Variants in GRIN2B observed in about 807,000 individuals in gnomAD.
The protein encoded by GRIN2B is glutamate ionotropic receptor NMDA type subunit 2B.
GRIN2B carries 5 observed loss-of-function variants against 114.5 expected under a neutral mutation model. The ratio of observed to expected loss-of-function variants is 0.04; its 90% CI spans 0.02 to 0.09. GRIN2B has a LOEUF of 0.09. Ranked by LOEUF, GRIN2B falls within the 10% of genes least tolerant of loss-of-function variation. The probability of loss-of-function intolerance (pLI) is 1.00; values close to 1 mark genes in which losing one functional copy is unlikely to be tolerated. For missense variants in GRIN2B, 1,108 were observed against 1,943.5 expected (o/e 0.57, Z 8.08); for synonymous variants, 787 against 745.1 (o/e 1.06, Z -0.92).
chr12:13,589,385 G>A (rs907614755), intron 10 of GRIN2B, among the ~76,000 whole-genome samples: 1 of 152,190 alleles, frequency 6.6e-6, no homozygotes, highest in Non-Finnish European at 1.5e-5. Flanking sequence ...GAGACTTTGA[G>A]ATAACAAAAC....
intron 2 of GRIN2B, among the ~76,000 whole-genome samples, chr12:13,972,568 A>G (rs1485022869): frequency 6.6e-6 from 1 of 152,180 alleles, no homozygotes; most frequent in Admixed American, 6.5e-5. Flanking sequence ...AATGCACACC[A>G]CTGGCTGATT....
intron 4 of GRIN2B, among the ~76,000 whole-genome samples, chr12:13,694,198 C>T (rs933315181): frequency 1.3e-5 from 2 of 152,166 alleles, no homozygotes; most frequent in Admixed American, 6.5e-5. Flanking sequence ...CCTTGAACAT[C>T]ACACAGCTCA....
chr12:13,919,270 A>G (rs6488625), intron 2 of GRIN2B, among the ~76,000 whole-genome samples: 4,937 of 152,274 alleles, frequency 0.032, 289 homozygotes, highest in African/African-American at 0.11. Context: ...TTTATACTTT[A>G]TGGTTCTAGG....
At chr12:13,781,263 A>T (rs1481587582) in intron 3 of GRIN2B, among the ~76,000 whole-genome samples, 1 of 152,242 alleles carries the variant, frequency 6.6e-6, no homozygotes, top group African/African-American at 2.4e-5. Flanking sequence ...ACGAAAGTTG[A>T]GATCAACATA....
At chr12:13,832,829 G>A (rs977638087) in intron 3 of GRIN2B, among the ~76,000 whole-genome samples, 2 of 151,876 alleles carry the variant, frequency 1.3e-5, no homozygotes, top group African/African-American at 4.8e-5. Flanking sequence ...AGCAGTGATG[G>A]GTATACATAT....
chr12:13,915,647 T>A (rs1866704440), intron 2 of GRIN2B, among the ~76,000 whole-genome samples: 1 of 152,178 alleles, frequency 6.6e-6, no homozygotes, highest in Non-Finnish European at 1.5e-5. Flanking sequence ...AGAAACTGAA[T>A]TTTTATTTTA....
At chr12:13,855,179 C>T (rs1256478458) in intron 3 of GRIN2B, among the ~76,000 whole-genome samples, 2 of 151,936 alleles carry the variant, frequency 1.3e-5, no homozygotes, top group African/African-American at 4.8e-5. Context: ...GATCATGCCA[C>T]TGCACTCCAG....
At chr12:13,577,515 T>TC (rs1330769758) in intron 10 of GRIN2B, among the ~76,000 whole-genome samples, 3 of 151,802 alleles carry the variant, frequency 2.0e-5, no homozygotes, top group Non-Finnish European at 4.4e-5. Context: ...GGCTGCCACC[T>TC]CCCCGCTAGA....
chr12:13,742,013 T>C (rs573518981), intron 4 of GRIN2B, among the ~76,000 whole-genome samples: 5 of 152,346 alleles, frequency 3.3e-5, no homozygotes, highest in Non-Finnish European at 7.4e-5. Context: ...ACAGGCTTTT[T>C]CTTGATTATA....
At chr12:13,800,855 C>T (rs764997388) in intron 3 of GRIN2B, among the ~76,000 whole-genome samples, 114 of 152,176 alleles carry the variant, frequency 7.5e-4, no homozygotes, top group Middle Eastern at 3.4e-3. Flanking sequence ...AAATGTCATG[C>T]TATGCTATAT....
intron 10 of GRIN2B, among the ~76,000 whole-genome samples, chr12:13,607,320 A>T (rs1423662816): frequency 1.8e-5 from 1 of 54,220 alleles, no homozygotes; most frequent in East Asian, 4.3e-4. Context: ...TATAATATAA[A>T]ATATATAATA....
At chr12:13,811,281 G>A (rs868393761) in intron 3 of GRIN2B, among the ~76,000 whole-genome samples, 3 of 152,210 alleles carry the variant, frequency 2.0e-5, no homozygotes, top group African/African-American at 2.4e-5. Context: ...TCACTCAGCT[G>A]AGCATGATGG....
chr12:13,829,621 G>C (rs1054549558), intron 3 of GRIN2B, among the ~76,000 whole-genome samples: 1 of 152,156 alleles, frequency 6.6e-6, no homozygotes, highest in African/African-American at 2.4e-5. Context: ...TTGAGTATTT[G>C]AGATTTATCT....
chr12:13,761,079 T>C (rs568413307), intron 3 of GRIN2B, among the ~76,000 whole-genome samples: 1 of 152,210 alleles, frequency 6.6e-6, no homozygotes, highest in Non-Finnish European at 1.5e-5. Context: ...ATCATGATCT[T>C]TCCTGCCTGT....
chr12:13,775,070 G>A (rs563411519), intron 3 of GRIN2B, among the ~76,000 whole-genome samples: 100 of 152,218 alleles, frequency 6.6e-4, no homozygotes, highest in Non-Finnish European at 8.4e-4. Flanking sequence ...AATTCCAGCA[G>A]TGGGAACAAT....
At chr12:13,836,012 C>T (rs1865257032) in intron 3 of GRIN2B, among the ~76,000 whole-genome samples, 1 of 152,160 alleles carries the variant, frequency 6.6e-6, no homozygotes, top group Non-Finnish European at 1.5e-5. Context: ...CAAGGCCCAG[C>T]CATTCTTCAA....
At chr12:13,597,081 A>T (rs1949083173) in intron 10 of GRIN2B, among the ~76,000 whole-genome samples, 1 of 152,182 alleles carries the variant, frequency 6.6e-6, no homozygotes, top group Non-Finnish European at 1.5e-5. Context: ...TAGTTGTGTG[A>T]CTTAGGTGAA....
chr12:13,843,113 A>G (rs1434683799), intron 3 of GRIN2B, among the ~76,000 whole-genome samples: 6 of 86,410 alleles, frequency 6.9e-5, no homozygotes, highest in Non-Finnish European at 1.5e-4. Flanking sequence ...ACACTGGGGA[A>G]AAAAAAAAAA....
At chr12:13,716,420 T>C (rs1257747189) in intron 4 of GRIN2B, among the ~76,000 whole-genome samples, 2 of 151,886 alleles carry the variant, frequency 1.3e-5, no homozygotes, top group Non-Finnish European at 2.9e-5. Context: ...GAAAAAGCAC[T>C]AAGCTCTAAG....
Sources: allele counts gnomAD v4.1 joint callset (sites outside exome capture counted in the v4.1 genomes callset), GRCh38; gene constraint gnomAD v4.1.1; transcripts MANE v1.5; gene names NCBI Gene and HGNC (gene_info 2026-07-23, HGNC 2026-07-21).